The following FAXC variants were observed in gnomAD, a reference collection of about 807,000 sequenced individuals.
FAXC encodes failed axon connections homolog, metaxin like GST domain containing, also known as failed axon connections homolog.
In FAXC, 10 loss-of-function variants were observed where a neutral mutation model predicts 41.9. The observed-to-expected ratio is 0.24, with a 90% CI of 0.15 to 0.41. The LOEUF (loss-of-function observed/expected upper bound fraction) is 0.41, where lower values mean the gene tolerates loss of function less well. FAXC is among the 10% of genes least tolerant of loss of function. The pLI, the probability that FAXC is intolerant of heterozygous loss-of-function variation, is 1.00. For missense variants in FAXC, 399 were observed against 510.9 expected, an observed-to-expected ratio of 0.78 and a Z score of 2.11; for synonymous variants, 183 against 183.8, an observed-to-expected ratio of 1.00 and a Z score of 0.03.
chr6:99,323,216 C>G (rs144674733), intron 4 of FAXC, among the ~76,000 whole-genome samples: 327 of 152,320 alleles, frequency 2.1e-3, no homozygotes, highest in African/African-American at 7.3e-3. Flanking sequence ...TCCATACTCT[C>G]TTCACACGGG....
At chr6:99,309,858 A>G (rs1772090805) in intron 4 of FAXC, 6 of 969,082 alleles carry the variant, frequency 6.2e-6, no homozygotes, top group Non-Finnish European at 7.4e-6. Context: ...CAATACAGGT[A>G]AAGTTAAAAT....
At chr6:99,312,052 G>A (rs1017815304) in intron 4 of FAXC, among the ~76,000 whole-genome samples, 1 of 152,138 alleles carries the variant, frequency 6.6e-6, no homozygotes, top group East Asian at 1.9e-4. Flanking sequence ...ACACTAGTTT[G>A]GCCATTTTTC....
In FAXC at chr6:99,291,786, G is replaced by T. The variant is rs1452094681; in HGVS notation, c.858C>A (p.Ser286=). The T allele has an allele frequency of 6.2e-7, 1 of 1,614,110 alleles. No individual in the cohort carries two copies. The highest frequency in any genetic ancestry group is 8.5e-7 in the Non-Finnish European group (1 of 1,180,014). The stretch of plus-strand genomic sequence containing the variant: ...GTCCAAAGACAGTGGCGTCAAGAGT[G>T]GAAAGCTTGGGCCCCATGATGTACT... ...DKKYIMGPKL[S]TLDATVFGHL... The change falls in exon 5 of 6, where the codon TCC becomes TCA. Residue 286 remains serine (S), a synonymous_variant. Coordinates refer to ENST00000389677, the MANE Select transcript of FAXC (RefSeq NM_032511.4).
chr6:99,306,703 G>T (rs927459121), intron 4 of FAXC, among the ~76,000 whole-genome samples: 8 of 152,188 alleles, frequency 5.3e-5, no homozygotes, highest in Non-Finnish European at 1.2e-4. Context: ...ATGACTTCTG[G>T]CTTCTCCTAG....
intron 4 of FAXC, among the ~76,000 whole-genome samples, chr6:99,295,405 T>C (rs1254667457): frequency 6.6e-6 from 1 of 152,222 alleles, no homozygotes; most frequent in Non-Finnish European, 1.5e-5. Flanking sequence ...GAGATTAGCA[T>C]GTGAATTAGT....
chr6:99,346,108 G>A (rs1773581210), intron 1 of FAXC, among the ~76,000 whole-genome samples: 3 of 152,160 alleles, frequency 2.0e-5, no homozygotes, highest in African/African-American at 7.2e-5. Flanking sequence ...TCATTTTAAG[G>A]TGTATTTTCT....
chr6:99,293,870 C>T (rs914026614), intron 4 of FAXC, among the ~76,000 whole-genome samples: 1 of 152,058 alleles, frequency 6.6e-6, no homozygotes. Context: ...GGAATATCTA[C>T]CCCTTTCACC....
At chr6:99,281,737 C>G (rs1327849930) in intron 5 of FAXC, among the ~76,000 whole-genome samples, 1 of 152,242 alleles carries the variant, frequency 6.6e-6, no homozygotes, top group Admixed American at 6.5e-5. Flanking sequence ...GTCCCTCCCC[C>G]AGGCAGGCCC....
At position 99,275,607 on chromosome 6, in the gene FAXC, G is replaced by A. The variant is rs1770574927; in HGVS notation, c.*5557C>T. On this transcript the variant is annotated 3_prime_UTR_variant, in exon 6 of 6. Coordinates refer to ENST00000389677, the MANE Select transcript of FAXC (RefSeq NM_032511.4). ...GCAGAATGGTTGAGGAGGTCACCCT[G>A]TCAGCTCCAAAACAGCTGAACCCCT... 1 of 152,202 alleles carries A rather than the reference G, an allele frequency of 6.6e-6. No homozygotes were observed. The highest frequency in any genetic ancestry group is 6.5e-5 in the Admixed American group (1 of 15,274). 9.4% of individuals were successfully genotyped at this position (152,202 alleles called of 1,614,324 possible).
In FAXC at chr6:99,323,623, C is replaced by T. The variant is rs1485482567; in HGVS notation, c.644G>A (p.Arg215Gln). ...ACCACCACTAAGAGAGAGCATCTTC[C>T]GGGTCTCATTGAGATTGTCCACCCA... ...CQWVDNLNETRKMLSLSGGGP... is the reference protein window; with the variant it reads ...CQWVDNLNETQKMLSLSGGGP... The change falls in exon 4 of 6, where the codon CGG becomes CAG. Residue 215 changes from arginine (R) to glutamine (Q), a missense_variant. Transcript: ENST00000389677. 11 of 1,614,190 alleles carry T rather than the reference C, an allele frequency of 6.8e-6. No homozygotes were observed. The highest frequency in any genetic ancestry group is 1.6e-4 in the Middle Eastern group (1 of 6,062).
At chr6:99,284,071 G>A (rs1198232050) in intron 5 of FAXC, 1 of 152,162 alleles carries the variant, frequency 6.6e-6, no homozygotes, top group Non-Finnish European at 1.5e-5. Context: ...ACATAGTCCT[G>A]ACTGTGTGCC....
intron 1 of FAXC, among the ~76,000 whole-genome samples, chr6:99,345,700 T>G (rs534549200): frequency 6.6e-6 from 1 of 152,252 alleles, no homozygotes; most frequent in African/African-American, 2.4e-5. Flanking sequence ...AGATCAGATG[T>G]TGATTCGCCA....
At position 99,282,848 on chromosome 6, in the gene FAXC, C is replaced by T. The variant is rs569915761; in HGVS notation, c.941-1395G>A. 2.6e-5 allele frequency among the ~76,000 whole-genome samples: 4 copies of T among 152,240 alleles called. No individual in the cohort carries two copies. The South Asian group carries it at 8.3e-4, about 32-fold the overall frequency. On this transcript the variant is annotated intron_variant, in intron 5 of 5. Coordinates refer to ENST00000389677, the MANE Select transcript of FAXC (RefSeq NM_032511.4). ...AAAAGCATTACCAATAATCGCATTC[C>T]CCATAACATTTTCATTTATGTTCTT...
chr6:99,303,543 C>G (rs757984877), intron 4 of FAXC, among the ~76,000 whole-genome samples: 2 of 152,136 alleles, frequency 1.3e-5, no homozygotes, highest in South Asian at 4.1e-4. Flanking sequence ...AATGCACTGC[C>G]CTAGGAGGGC....
At chr6:99,332,471 G>C (rs1773060535) in intron 3 of FAXC, among the ~76,000 whole-genome samples, 1 of 151,910 alleles carries the variant, frequency 6.6e-6, no homozygotes, top group Non-Finnish European at 1.5e-5. Context: ...GAAAGGTGCA[G>C]AAACTCCAGA....
chr6:99,294,519 G>A (rs1771398156), intron 4 of FAXC, among the ~76,000 whole-genome samples: 1 of 152,152 alleles, frequency 6.6e-6, no homozygotes. Context: ...AGGGCTTCAG[G>A]ACCACTATGA....
intron 1 of FAXC, among the ~76,000 whole-genome samples, chr6:99,348,609 T>C (rs1380365398): frequency 2.0e-5 from 3 of 152,190 alleles, no homozygotes; most frequent in Non-Finnish European, 4.4e-5. Flanking sequence ...ACCACTACAC[T>C]TGGTCATGCA....
At chr6:99,304,142 C>T (rs1771821970) in intron 4 of FAXC, among the ~76,000 whole-genome samples, 2 of 151,810 alleles carry the variant, frequency 1.3e-5, no homozygotes, top group Admixed American at 6.6e-5. Flanking sequence ...AAAAATTAGC[C>T]GGGCGTGGGA....
intron 4 of FAXC, among the ~76,000 whole-genome samples, chr6:99,294,216 A>T (rs1237602763): frequency 6.6e-6 from 1 of 152,244 alleles, no homozygotes; most frequent in Non-Finnish European, 1.5e-5. Flanking sequence ...GAATCCAGAG[A>T]AAGTACCAAC....
Sources: allele counts gnomAD v4.1 joint callset (sites outside exome capture counted in the v4.1 genomes callset), GRCh38; gene constraint gnomAD v4.1.1; transcripts MANE v1.5; gene names NCBI Gene and HGNC (gene_info 2026-07-23, HGNC 2026-07-21).